Variants in CDK15 observed in about 807,000 individuals in gnomAD.
CDK15 encodes cyclin dependent kinase 15, also known as cyclin-dependent kinase 15.
In CDK15, 62 loss-of-function variants were observed where a neutral mutation model predicts 60.3. That is an observed-to-expected ratio of 1.03 (90% CI 0.84 to 1.27). The LOEUF is 1.27. CDK15 is among the 50% of genes most tolerant of loss of function. The pLI is 0.00. For missense variants in CDK15, 541 were observed against 527.8 expected (o/e 1.03, Z -0.25); for synonymous variants, 194 against 195.7 (o/e 0.99, Z 0.07).
chr2:201,888,778 C>T (rs1253519437), intron 12 of CDK15: 9 of 1,157,826 alleles, frequency 7.8e-6, no homozygotes, highest in South Asian at 6.1e-5. Flanking sequence ...GCAAGGAAGC[C>T]GGAGGGAAAT....
At chr2:201,831,206 A>G (rs1413213762) in intron 6 of CDK15, among the ~76,000 whole-genome samples, 1 of 152,194 alleles carries the variant, frequency 6.6e-6, no homozygotes, top group Non-Finnish European at 1.5e-5. Flanking sequence ...TTTCTAGTAG[A>G]ATGAGTCCCA....
At chr2:201,872,765 A>G (rs1698905412) in intron 11 of CDK15, among the ~76,000 whole-genome samples, 1 of 152,150 alleles carries the variant, frequency 6.6e-6, no homozygotes, top group Admixed American at 6.5e-5. Context: ...CCAGCTTTCA[A>G]CAAATCCCTA....
chr2:201,861,571 T>C (rs1238015155), intron 10 of CDK15: 15 of 956,314 alleles, frequency 1.6e-5, no homozygotes, highest in Admixed American at 6.3e-5. Flanking sequence ...TTTTCTTTTT[T>C]TTTTTTTTTA....
In CDK15 at chr2:201,890,844, GC is replaced by G; in HGVS notation, c.1260del (p.Ser421ProfsTer42). On this transcript the variant is annotated frameshift_variant, in exon 13 of 14. Transcript: ENST00000652192. LOFTEE classifies it high-confidence loss of function. ...AAAGCCAGAAATGTGTGACCTTTTGGCCTCCTACCAGAAAGGTCACCACCCA... is the reference window on the plus strand; with the variant it reads ...AAAGCCAGAAATGTGTGACCTTTTGGCTCCTACCAGAAAGGTCACCACCCA... The part of the protein sequence containing the change: ...RLKPEMCDLL[A>X]SYQKGHHPAQ... 1 of 1,613,666 alleles carries G rather than the reference GC, an allele frequency of 6.2e-7. No individual in the cohort carries two copies. The highest frequency in any genetic ancestry group is 2.2e-5 in the East Asian group (1 of 44,860).
intron 4 of CDK15, among the ~76,000 whole-genome samples, chr2:201,815,005 G>A (rs945159569): frequency 1.3e-4 from 20 of 148,846 alleles, no homozygotes; most frequent in Non-Finnish European, 2.7e-4. Flanking sequence ...AGGCTGGAGT[G>A]CAATGGCACA....
rs1699636108 is a variant in CDK15 at position 201,891,427 on chromosome 2, T to C, written c.*33+500T>C. Among the ~76,000 whole-genome samples the C allele has an allele frequency of 2.0e-5, 3 of 152,174 alleles. No homozygotes were observed. In the East Asian group the frequency reaches 5.8e-4, roughly 29 times the overall value. On this transcript the variant is annotated intron_variant, in intron 13 of 13. Transcript: ENST00000652192. The stretch of plus-strand genomic sequence containing the variant: ...CTCACTGTCAACTGACAGGGCAAAA[T>C]TTTGTCCTGGTAAGGGTAACAAACA...
intron 9 of CDK15, among the ~76,000 whole-genome samples, chr2:201,851,285 T>A: frequency 9.7e-6 from 1 of 103,440 alleles, no homozygotes; most frequent in South Asian, 4.1e-4. Context: ...GAGTGAGACT[T>A]CATCTCAAAA....
At chr2:201,822,540 T>C (rs1246492359) in intron 4 of CDK15, among the ~76,000 whole-genome samples, 1 of 152,228 alleles carries the variant, frequency 6.6e-6, no homozygotes, top group Non-Finnish European at 1.5e-5. Flanking sequence ...CTCTGAGTGC[T>C]TTGATGAAAT....
intron 6 of CDK15, among the ~76,000 whole-genome samples, chr2:201,825,908 G>A (rs1696466537): frequency 6.6e-6 from 1 of 152,192 alleles, no homozygotes; most frequent in South Asian, 2.1e-4. Context: ...TACAGGTGTT[G>A]ATTAAATAGA....
intron 9 of CDK15, among the ~76,000 whole-genome samples, chr2:201,853,555 G>A (rs547051847): frequency 2.6e-5 from 4 of 152,214 alleles, no homozygotes; most frequent in South Asian, 2.1e-4. Context: ...AGATGGATTC[G>A]CTAGACTCTT....
chr2:201,858,391 C>T (rs947119866), intron 10 of CDK15, among the ~76,000 whole-genome samples: 4 of 136,848 alleles, frequency 2.9e-5, no homozygotes, highest in Non-Finnish European at 6.3e-5. Flanking sequence ...CCTTCCTTCT[C>T]TCTCTCTCTT....
intron 10 of CDK15, among the ~76,000 whole-genome samples, chr2:201,859,505 A>C (rs905832050): frequency 5.3e-5 from 8 of 152,186 alleles, no homozygotes; most frequent in Non-Finnish European, 7.3e-5. Context: ...AGAAAGGAGG[A>C]ATATACAAGA....
At chr2:201,869,495 T>A (rs1363851423) in intron 10 of CDK15, among the ~76,000 whole-genome samples, 1 of 151,470 alleles carries the variant, frequency 6.6e-6, no homozygotes, top group African/African-American at 2.4e-5. Context: ...AACCTGCAGG[T>A]TGTGCACCTG....
intron 7 of CDK15, 39 bp downstream of exon 7, chr2:201,834,010 A>G (rs764896972): frequency 6.2e-7 from 1 of 1,605,372 alleles, no homozygotes; most frequent in African/African-American, 1.3e-5. Context: ...GCTGTGAACA[A>G]TGATGCTTTT....
chr2:201,855,689 G>T (rs1194811808), intron 10 of CDK15, among the ~76,000 whole-genome samples: 1 of 152,180 alleles, frequency 6.6e-6, no homozygotes, highest in Non-Finnish European at 1.5e-5. Context: ...TCACTGGCAG[G>T]GTTGAAGGGG....
intron 6 of CDK15, among the ~76,000 whole-genome samples, chr2:201,830,115 G>GT (rs1483716342): frequency 2.0e-5 from 3 of 151,822 alleles, no homozygotes; most frequent in Non-Finnish European, 2.9e-5. Flanking sequence ...GCCTATTTTT[G>GT]TTTTTTATAG....
chr2:201,864,774 T>C (rs1472834047), intron 10 of CDK15, among the ~76,000 whole-genome samples: 3 of 152,108 alleles, frequency 2.0e-5, no homozygotes, highest in African/African-American at 7.2e-5. Flanking sequence ...GAGTATAAGG[T>C]TTTAACATTT....
chr2:201,888,621 C>G, intron 12 of CDK15: 1 of 1,415,318 alleles, frequency 7.1e-7, no homozygotes, highest in Non-Finnish European at 9.2e-7. Flanking sequence ...TTTTCTTTTT[C>G]TATGAGTTGG....
At position 201,826,117 on chromosome 2, in the gene CDK15, T is replaced by A. The variant is rs150904603; in HGVS notation, c.606+2390T>A. Among the ~76,000 whole-genome samples, 249 of 152,234 alleles carry A rather than the reference T, an allele frequency of 1.6e-3. 1 individual carries two copies. The highest frequency in any genetic ancestry group is 5.7e-3 in the African/African-American group (236 of 41,534). On this transcript the variant is annotated intron_variant, in intron 6 of 13. Coordinates refer to ENST00000652192, the MANE Select transcript of CDK15 (RefSeq NM_001366386.2). ...GTAGAATATCAAGAAAGAAATACGA[T>A]CTAGTACTGTAGATGTGCAACGGCA...
Sources: gnomAD v4.1 joint callset for allele counts (sites outside exome capture counted in the v4.1 genomes callset) on GRCh38, gnomAD v4.1.1 for gene constraint, MANE v1.5 for transcripts, NCBI Gene and HGNC (gene_info 2026-07-23, HGNC 2026-07-21) for gene names.